Variants in BCAR1 observed in about 807,000 individuals in gnomAD.
BCAR1 encodes BCAR1 scaffold protein, Cas family member.
BCAR1 carries 30 observed loss-of-function variants against 67.6 expected under a neutral mutation model. That is an observed-to-expected ratio of 0.44 (90% CI 0.33 to 0.60). The LOEUF is 0.60. BCAR1 is among the 20% of genes least tolerant of loss of function. BCAR1 has a pLI of 0.02. For missense variants in BCAR1, 1,313 were observed against 1,222.3 expected (o/e 1.07, Z -1.11); for synonymous variants, 626 against 556.7 (o/e 1.12, Z -1.75).
chr16:75,264,272 G>A lies in BCAR1; in HGVS notation c.66+3643C>T, dbSNP rs529901058. ...TGTGGACAACCAAACCAAATCAAAC[G>A]GGGACCTCCCCATAGAGGCCCGCCC... On this transcript the variant is annotated intron_variant, in intron 1 of 6. Transcript: ENST00000393422. 160 of 1,369,444 alleles carry A rather than the reference G, an allele frequency of 1.2e-4. No individual in the cohort carries two copies. In the African/African-American group the frequency reaches 2.2e-3, roughly 18 times the overall value. 84.8% of individuals were successfully genotyped at this position (1,369,444 alleles called of 1,614,324 possible).
In BCAR1 at chr16:75,234,941, T is replaced by G. The variant is rs750299982; in HGVS notation, c.1958A>C (p.Tyr653Ser). 11 of 1,576,926 alleles carry G rather than the reference T, an allele frequency of 7.0e-6. No individual in the cohort carries two copies. Among genetic ancestry groups the G allele is most frequent in the Non-Finnish European group, 8.6e-7 (1 of 1,157,038 alleles). The change falls in exon 5 of 7, where the codon TAC (tyrosine) becomes TCC (serine). Residue 653 changes from tyrosine to serine, a missense_variant. Physicochemically the swap from Tyr to Ser is moderately radical, Grantham distance 144. Around this residue, in one of 2 missense-constraint regions of BCAR1, gnomAD observed 1,272 missense variants for 1,137.5 expected, o/e 1.12. Transcript: ENST00000162330. ...CATCCAGCCCCCCTCGCTGTTCTCG[T>G]ACTGCCCATCTGGCGAGTCCTGGGA... The part of the protein sequence containing the change: ...FTSQDSPDGQ[Y>S]ENSEGGWMED...
intron 2 of BCAR1, among the ~76,000 whole-genome samples, chr16:75,240,748 A>C (rs1237788671): frequency 1.3e-5 from 2 of 152,260 alleles, no homozygotes; most frequent in African/African-American, 4.8e-5. Context: ...CCCAGGACAC[A>C]GGGCTCTCCT....
At chr16:75,255,924 G>C (rs2077764847), upstream of BCAR1, among the ~76,000 whole-genome samples, 2 of 152,258 alleles carry the variant, frequency 1.3e-5, no homozygotes, top group South Asian at 4.1e-4. Context: ...CCGGGAGGCG[G>C]AGGTTGCAGT....
At chr16:75,264,482 G>C (rs1032543142) in intron 1 of BCAR1, 1 of 1,462,942 alleles carries the variant, frequency 6.8e-7, no homozygotes, top group Non-Finnish European at 9.0e-7. Context: ...ACAGAAGAGA[G>C]GAAGGGCTTG....
chr16:75,241,007 G>A (rs1467433424), intron 2 of BCAR1, among the ~76,000 whole-genome samples: 1 of 152,282 alleles, frequency 6.6e-6, no homozygotes, highest in Non-Finnish European at 1.5e-5. Context: ...CTGCAAAGGC[G>A]GGAGAGGAGG....
At chr16:75,230,139 T>G in intron 6 of BCAR1, 116 bp from the exon 7 acceptor site, 2 of 1,308,812 alleles carry the variant, frequency 1.5e-6, no homozygotes, top group Non-Finnish European at 1.0e-6. Context: ...TCAGAGTGCA[T>G]GGGACTGCAG....
At chr16:75,265,736 A>G (rs2077995488) in intron 1 of BCAR1, 2 of 1,175,888 alleles carry the variant, frequency 1.7e-6, no homozygotes, top group African/African-American at 1.6e-5. Context: ...TCCGGGAGCC[A>G]ACGCGGCATC....
chr16:75,237,445 A>G lies in BCAR1; in HGVS notation c.634-101T>C, dbSNP rs2077182259. 3.0e-6 allele frequency: 4 copies of G among 1,332,282 alleles called. No individual in the cohort carries two copies. In the South Asian group the frequency reaches 7.2e-5, roughly 24 times the overall value. 82.5% of individuals were successfully genotyped at this position (1,332,282 alleles called of 1,614,324 possible). A position where few individuals can be genotyped will look rare whatever the true frequency, so the allele number is the denominator to read the frequency against. ...CGTCCTTTTAGGAGGTGGGCAGGGC[A>G]CACCAGGTGGAAGGGACGGGGCTCC... On this transcript the variant is annotated intron_variant, in intron 2 of 6. Coordinates refer to ENST00000162330, the MANE Select transcript of BCAR1 (RefSeq NM_014567.5).
chr16:75,263,558 C>T (rs2077948736), intron 1 of BCAR1: 41 of 985,474 alleles, frequency 4.2e-5, no homozygotes, highest in Non-Finnish European at 4.9e-5. Context: ...GACAAGGTGA[C>T]ACCAGCTGAT....
intron 6 of BCAR1, among the ~76,000 whole-genome samples, chr16:75,232,680 C>G (rs1472174643): frequency 2.0e-5 from 3 of 152,124 alleles, no homozygotes; most frequent in African/African-American, 7.2e-5. Context: ...AATTTCTCAG[C>G]CCCCACCCCC....
At chr16:75,237,479 G>T in intron 2 of BCAR1, 135 bp from the exon 3 acceptor site, 2 of 1,109,046 alleles carry the variant, frequency 1.8e-6, no homozygotes, top group Non-Finnish European at 2.4e-6. Flanking sequence ...CCCCAAGGAT[G>T]CCAGTTCTCA....
upstream of BCAR1, among the ~76,000 whole-genome samples, chr16:75,256,617 G>A (rs1379390618): frequency 6.6e-6 from 1 of 152,170 alleles, no homozygotes; most frequent in Non-Finnish European, 1.5e-5. Flanking sequence ...GACTGGAAGA[G>A]GCAGCACAAC....
intron 1 of BCAR1, among the ~76,000 whole-genome samples, chr16:75,262,198 C>CCCAG (rs956667790): frequency 6.6e-5 from 10 of 152,180 alleles, no homozygotes; most frequent in African/African-American, 2.4e-4. Flanking sequence ...TGGCTGAGAT[C>CCCAG]CCAGGCTCTG....
intron 1 of BCAR1, 113 bp from the exon 2 acceptor site, chr16:75,243,203 A>G: frequency 8.6e-7 from 1 of 1,157,010 alleles, no homozygotes; most frequent in East Asian, 2.4e-5. Context: ...TAGGAAAAGA[A>G]CTCAGTGGAG....
In BCAR1 at chr16:75,229,540, G is replaced by T; in HGVS notation, c.2584C>A (p.Arg862Ser). The change falls in exon 7 of 7, where the codon CGC (arginine) becomes AGC (serine). Residue 862 changes from arginine to serine, a missense_variant. Transcript: ENST00000162330. Reference sequence around the variant, plus strand: ...GCGGCTGCCAGCTGGCCTAGGACGCGGCGGAACTGCTGGGTGCTGTGGCCC... The same window carrying T: ...GCGGCTGCCAGCTGGCCTAGGACGCTGCGGAACTGCTGGGTGCTGTGGCCC... ...ELGHSTQQFR[R>S]VLGQLAAA is the part of the protein sequence containing the mutation. 6.3e-7 allele frequency: 1 copy of T among 1,597,338 alleles called. No homozygotes were observed.
intron 1 of BCAR1, 95 bp downstream of exon 1, chr16:75,251,376 C>T: frequency 7.0e-7 from 1 of 1,437,174 alleles, no homozygotes; most frequent in South Asian, 1.3e-5. Flanking sequence ...TCCCAGGCCC[C>T]GCAGGTCCGG....
chr16:75,247,749 C>T (rs1157321577), intron 1 of BCAR1: 4 of 423,966 alleles, frequency 9.4e-6, no homozygotes, highest in Non-Finnish European at 1.8e-5. Flanking sequence ...GGTATCACTG[C>T]TGACCAAAAC....
chr16:75,248,188 AG>A, intron 1 of BCAR1: 1 of 1,570,214 alleles, frequency 6.4e-7, no homozygotes. Flanking sequence ...ATCTCCACCG[AG>A]GGGTGACGCC....
chr16:75,263,974 T>G, intron 1 of BCAR1: 22 of 1,160,260 alleles, frequency 1.9e-5, no homozygotes, highest in Non-Finnish European at 2.2e-5. Context: ...GCCAGCCACG[T>G]AGGGGGCAGA....
Sources: gnomAD v4.1 joint callset for allele counts (sites outside exome capture counted in the v4.1 genomes callset) on GRCh38, gnomAD v4.1.1 for gene constraint, gnomAD v4.1.1 regional missense constraint, MANE v1.5 for transcripts, NCBI Gene and HGNC (gene_info 2026-07-23, HGNC 2026-07-21) for gene names.